Variants in ZNF385D observed in about 807,000 individuals in gnomAD.
ZNF385D encodes the protein zinc finger protein 659.
Under a neutral mutation model 35.8 loss-of-function variants are expected in ZNF385D, and 15 were observed. The ratio of observed to expected loss-of-function variants is 0.42; its 90% CI spans 0.28 to 0.64. ZNF385D has a LOEUF of 0.64. Ranked by LOEUF, ZNF385D falls within the 30% of genes least tolerant of loss-of-function variation. ZNF385D has a pLI of 0.23. For synonymous variants in ZNF385D, 212 were observed against 186.8 expected (o/e 1.13, Z -1.10); for missense variants, 474 against 494.6 (o/e 0.96, Z 0.39).
chr3:22,259,685 A>G (rs1474315169), intron 2 of ZNF385D, among the ~76,000 whole-genome samples: 1 of 151,982 alleles, frequency 6.6e-6, no homozygotes, highest in East Asian at 1.9e-4. Context: ...AAGTAAAGTC[A>G]GCTTTAGGAA....
chr3:21,688,729 A>T lies in ZNF385D; in HGVS notation c.23-23701T>A, dbSNP rs552232206. 2.6e-5 allele frequency among the ~76,000 whole-genome samples: 4 copies of T among 152,334 alleles called. No individual in the cohort carries two copies. The East Asian group carries it at 7.7e-4, about 29-fold the overall frequency. On this transcript the variant is annotated intron_variant, in intron 1 of 7. Coordinates refer to ENST00000281523, the MANE Select transcript of ZNF385D (RefSeq NM_024697.3). ...TAATTAACAACTCTAGGAATGCAAC[A>T]TGAAAACTAAATACCAAGCTCTATA...
chr3:22,242,196 G>C (rs1334083618), intron 2 of ZNF385D, among the ~76,000 whole-genome samples: 2 of 150,572 alleles, frequency 1.3e-5, no homozygotes, highest in African/African-American at 4.9e-5. Flanking sequence ...TGCACAATGT[G>C]CACATGTACC....
At chr3:21,547,054 T>C (rs1559391304) in intron 3 of ZNF385D, among the ~76,000 whole-genome samples, 1 of 152,104 alleles carries the variant, frequency 6.6e-6, no homozygotes, top group African/African-American at 2.4e-5. Context: ...TGTATCCCTT[T>C]AGAATGCATG....
At chr3:22,178,143 C>A (rs1425829176) in intron 2 of ZNF385D, among the ~76,000 whole-genome samples, 1 of 152,138 alleles carries the variant, frequency 6.6e-6, no homozygotes, top group Non-Finnish European at 1.5e-5. Flanking sequence ...ACTTCTAGAT[C>A]CCTGAGGAAT....
intron 2 of ZNF385D, among the ~76,000 whole-genome samples, chr3:21,580,111 T>TTAATGAAAAATTAATAATTACA (rs1559427043): frequency 6.6e-6 from 1 of 152,160 alleles, no homozygotes; most frequent in Non-Finnish European, 1.5e-5. Context: ...GATATCCTGG[T>TTAATGAAAAATTAATAATTACA]TAATGAAAAA....
chr3:21,489,237 A>G (rs969517339), intron 4 of ZNF385D, among the ~76,000 whole-genome samples: 8 of 152,080 alleles, frequency 5.3e-5, no homozygotes, highest in Non-Finnish European at 1.0e-4. Flanking sequence ...CGGTCCAGGA[A>G]GCCCCAAAGA....
chr3:22,112,839 G>A (rs202083023), intron 3 of ZNF385D, among the ~76,000 whole-genome samples: 2 of 147,830 alleles, frequency 1.4e-5, no homozygotes, highest in East Asian at 4.0e-4. Flanking sequence ...CCCTTCCTAT[G>A]GGGGGGAAAA....
chr3:21,695,873 G>C (rs1023052800), intron 1 of ZNF385D, among the ~76,000 whole-genome samples: 1 of 152,022 alleles, frequency 6.6e-6, no homozygotes, highest in East Asian at 1.9e-4. Context: ...GTGTTAATAA[G>C]AATGGTATTT....
chr3:21,958,262 T>C (rs1702392520), intron 3 of ZNF385D, among the ~76,000 whole-genome samples: 2 of 152,126 alleles, frequency 1.3e-5, no homozygotes, highest in African/African-American at 4.8e-5. Flanking sequence ...AAGACCTATA[T>C]TTTGGAGTTA....
At chr3:21,791,761 C>A (rs985273006) in intron 3 of ZNF385D, among the ~76,000 whole-genome samples, 1 of 152,102 alleles carries the variant, frequency 6.6e-6, no homozygotes, top group African/African-American at 2.4e-5. Flanking sequence ...GTTGAGATGG[C>A]ATCTCACTCT....
At chr3:21,721,676 G>A (rs73046252) in intron 1 of ZNF385D, among the ~76,000 whole-genome samples, 1 of 152,056 alleles carries the variant, frequency 6.6e-6, no homozygotes, top group Non-Finnish European at 1.5e-5. Context: ...CACGTGAAAT[G>A]CTATACTTTA....
At chr3:21,918,376 CATT>C (rs1299378827) in intron 3 of ZNF385D, among the ~76,000 whole-genome samples, 19 of 152,266 alleles carry the variant, frequency 1.2e-4, no homozygotes, top group Admixed American at 5.2e-4. Flanking sequence ...AAGTTACTAT[CATT>C]GTTGTTATTT....
chr3:21,434,357 C>T (rs867216777), intron 5 of ZNF385D, among the ~76,000 whole-genome samples: 19 of 152,128 alleles, frequency 1.2e-4, no homozygotes, highest in African/African-American at 3.6e-4. Flanking sequence ...AACTGAAACA[C>T]GCCACAATGA....
chr3:21,853,364 T>C (rs1696507396), intron 3 of ZNF385D, among the ~76,000 whole-genome samples: 1 of 151,844 alleles, frequency 6.6e-6, no homozygotes, highest in South Asian at 2.1e-4. Context: ...AGTGGTAATA[T>C]CTATTAGATC....
chr3:21,688,861 T>C (rs17554454), intron 1 of ZNF385D, among the ~76,000 whole-genome samples: 3,960 of 152,210 alleles, frequency 0.026, 91 homozygotes, highest in South Asian at 0.11. Flanking sequence ...TATCTGAAAA[T>C]AGTATGTGCA....
chr3:21,625,913 T>C (rs2065123291), intron 2 of ZNF385D, among the ~76,000 whole-genome samples: 1 of 152,080 alleles, frequency 6.6e-6, no homozygotes, highest in South Asian at 2.1e-4. Flanking sequence ...AAATTACCCC[T>C]CCTTTCAGGT....
chr3:22,104,873 C>G (rs1702124025), intron 3 of ZNF385D, among the ~76,000 whole-genome samples: 1 of 152,046 alleles, frequency 6.6e-6, no homozygotes, highest in Non-Finnish European at 1.5e-5. Flanking sequence ...CAGATTTTCT[C>G]CAGGGAATAC....
chr3:21,598,597 C>G (rs2064191567), intron 2 of ZNF385D, among the ~76,000 whole-genome samples: 1 of 152,052 alleles, frequency 6.6e-6, no homozygotes, highest in South Asian at 2.1e-4. Flanking sequence ...GCTAGAGTCT[C>G]AAAAAATATC....
At chr3:21,619,992 CT>C (rs2064957248) in intron 2 of ZNF385D, among the ~76,000 whole-genome samples, 1 of 152,134 alleles carries the variant, frequency 6.6e-6, no homozygotes, top group African/African-American at 2.4e-5. Context: ...GCCCTCTGTT[CT>C]GGGTCCCAAC....
Sources: gnomAD v4.1 joint callset for allele counts (sites outside exome capture counted in the v4.1 genomes callset) on GRCh38, gnomAD v4.1.1 for gene constraint, MANE v1.5 for transcripts, NCBI Gene and HGNC (gene_info 2026-07-23, HGNC 2026-07-21) for gene names.